ECSIT: variants seen among roughly 807,000 people sequenced by gnomAD.
The protein encoded by ECSIT is ECSIT signaling integrator.
ECSIT carries 29 observed loss-of-function variants against 36.8 expected under a neutral mutation model. The observed-to-expected ratio is 0.79, with a 90% CI of 0.59 to 1.08. The LOEUF is 1.08. ECSIT is among the 50% of genes least tolerant of loss of function. ECSIT has a pLI of 0.00. For synonymous variants in ECSIT, 231 were observed against 234.8 expected (o/e 0.98, Z 0.15); for missense variants, 542 against 581.0 (o/e 0.93, Z 0.69).
In ECSIT at chr19:11,506,156, A is replaced by C. The variant is rs566479074; in HGVS notation, c.*28T>G. On this transcript the variant is annotated 3_prime_UTR_variant, in exon 8 of 8. Transcript: ENST00000270517. The stretch of plus-strand genomic sequence containing the variant: ...CTTCAGTCCACCGCCTCCTCGGGCC[A>C]CAGCCCGTGCCCTCGCGCCGGCTCA... 4 of 1,600,050 alleles carry C rather than the reference A, an allele frequency of 2.5e-6. No homozygotes were observed. In the South Asian group the frequency reaches 4.4e-5, roughly 18 times the overall value.
At chr19:11,521,451 G>A (rs961926176) in intron 1 of ECSIT, among the ~76,000 whole-genome samples, 13 of 143,350 alleles carry the variant, frequency 9.1e-5, no homozygotes, top group Admixed American at 8.0e-4. Context: ...CCATTTATAC[G>A]TGGATTTTTT....
chr19:11,520,196 C>G (rs1423679041), intron 1 of ECSIT, among the ~76,000 whole-genome samples: 1 of 151,772 alleles, frequency 6.6e-6, no homozygotes, highest in Non-Finnish European at 1.5e-5. Flanking sequence ...TTCTGAGATG[C>G]AGTCTCGCTC....
At chr19:11,520,434 A>G (rs898295901) in intron 1 of ECSIT, among the ~76,000 whole-genome samples, 7 of 152,038 alleles carry the variant, frequency 4.6e-5, no homozygotes, top group Non-Finnish European at 1.0e-4. Flanking sequence ...AGCCTCCCCA[A>G]GTGCTGGGAT....
chr19:11,514,175 T>C lies in ECSIT; in HGVS notation c.143A>G (p.His48Arg), dbSNP rs769315001. 8.7e-6 allele frequency: 14 copies of C among 1,610,916 alleles called. No homozygotes were observed. The South Asian group carries it at 1.3e-4, about 15-fold the overall frequency. ...PRGLHCSAAAHSSEQSLVPSP... is the reference protein window; with the variant it reads ...PRGLHCSAAARSSEQSLVPSP... ...GGGAACCAGGGACTGTTCAGAGCTA[T>C]GGGCAGCTGCGCTGCAGTGGAGGCC... Residue 48 changes from histidine to arginine, a missense_variant, in exon 3 of 8, where the codon CAT becomes CGT. By Grantham distance (29) the His-to-Arg change is conservative. Transcript: ENST00000270517.
intron 1 of ECSIT, chr19:11,523,536 G>C: frequency 9.2e-7 from 1 of 1,088,784 alleles, no homozygotes; most frequent in Non-Finnish European, 1.4e-6. Flanking sequence ...CTAGCACGTG[G>C]AATCTGTGAA....
chr19:11,515,287 T>C (rs1161640475), intron 2 of ECSIT, among the ~76,000 whole-genome samples: 1 of 148,118 alleles, frequency 6.8e-6, no homozygotes, highest in African/African-American at 2.5e-5. Context: ...GGATTTTTAG[T>C]AGAGACGGGG....
chr19:11,509,474 T>A (rs1599576874), intron 4 of ECSIT, among the ~76,000 whole-genome samples: 1 of 151,274 alleles, frequency 6.6e-6, no homozygotes, highest in African/African-American at 2.4e-5. Context: ...TTAAAAAAAA[T>A]TGAGATGAGC....
chr19:11,510,643 A>AG (rs1971851926), intron 4 of ECSIT: 1 of 152,120 alleles, frequency 6.6e-6, no homozygotes, highest in Non-Finnish European at 1.5e-5. Context: ...GGGCGGCGTC[A>AG]GGGGCAGCGC....
At chr19:11,509,024 C>A (rs1971815948) in intron 4 of ECSIT, among the ~76,000 whole-genome samples, 1 of 151,478 alleles carries the variant, frequency 6.6e-6, no homozygotes, top group South Asian at 2.1e-4. Context: ...CCTTTTTTAT[C>A]TTTTAAAATT....
chr19:11,506,183 A>G lies in ECSIT; in HGVS notation c.*1T>C, dbSNP rs201057677. The G allele has an allele frequency of 6.2e-6, 10 of 1,604,468 alleles. No homozygotes were observed. In the East Asian group the frequency reaches 2.0e-4, roughly 32 times the overall value. ...AGCCCGTGCCCTCGCGCCGGCTCAG[A>G]CTAGCTCTGGCCCTGCTGCTGTCGC... On this transcript the variant is annotated 3_prime_UTR_variant, in exon 8 of 8. Coordinates refer to ENST00000270517, the MANE Select transcript of ECSIT (RefSeq NM_016581.5).
At chr19:11,507,180 G>C (rs1195825103) in intron 7 of ECSIT, among the ~76,000 whole-genome samples, 1 of 152,124 alleles carries the variant, frequency 6.6e-6, no homozygotes, top group Non-Finnish European at 1.5e-5. Context: ...GGGTGTAAGT[G>C]GACTGCGTCT....
chr19:11,526,240 G>C (rs138660305), intron 1 of ECSIT, among the ~76,000 whole-genome samples: 1 of 152,148 alleles, frequency 6.6e-6, no homozygotes, highest in African/African-American at 2.4e-5. Context: ...TGGGATTACA[G>C]GCATGAGCCA....
chr19:11,519,329 C>A lies in ECSIT; in HGVS notation c.-23-136G>T. The A allele has an allele frequency of 1.4e-6, 1 of 693,336 alleles. No homozygotes were observed. The highest frequency in any genetic ancestry group is 2.6e-6 in the Non-Finnish European group (1 of 386,374). The allele number at this position is 693,336 out of a possible 1,614,324, so 42.9% of individuals were successfully genotyped here. A position where few individuals can be genotyped will look rare whatever the true frequency, so the allele number is the denominator to read the frequency against. On this transcript the variant is annotated intron_variant, in intron 1 of 7. Transcript: ENST00000270517. This position sits in a 1 kb window ranked among gnomAD's most constrained non-coding sequence, Gnocchi z 4.4. ...CCCAATGTTTACCTTACCCAAGAAA[C>A]AGGCTGATGACTCAAAGACTTTGTT...
In ECSIT at chr19:11,524,172, G is replaced by A. The variant is rs372079853; in HGVS notation, c.-24+4890C>T. Among the ~76,000 whole-genome samples the A allele has an allele frequency of 2.6e-3, 389 of 151,850 alleles. 5 individuals carry two copies. The South Asian group carries it at 0.035, about 14-fold the overall frequency. ...TGGGCTCAAGCAATCCTCCCACCTC[G>A]GCCTCCCAAAGTGCTGGAATTACAG... On this transcript the variant is annotated intron_variant, in intron 1 of 7. Transcript: ENST00000270517.
At chr19:11,511,436 T>G (rs1435064722) in intron 4 of ECSIT, among the ~76,000 whole-genome samples, 1 of 151,924 alleles carries the variant, frequency 6.6e-6, no homozygotes, top group Admixed American at 6.6e-5. Context: ...GCATCCTGAT[T>G]AGGAACAGTG....
Position 11,507,503 on chromosome 19 carries a change from C to T in ECSIT, c.1005G>A (p.Glu335=). 3.1e-6 allele frequency: 5 copies of T among 1,614,086 alleles called. No homozygotes were observed. The highest frequency in any genetic ancestry group is 4.2e-6 in the Non-Finnish European group (5 of 1,180,008). ...AGTTGTCCCAGCCACTCCTCACATA[C>T]TCCAGGTCCAGCTGCATCGGGTAGT... ...NLYYPMQLDL[E]YVRSGWDNYE... The change falls in exon 7 of 8, where the codon GAG becomes GAA. Residue 335 remains glutamate (E), a synonymous_variant. Coordinates refer to ENST00000270517, the MANE Select transcript of ECSIT (RefSeq NM_016581.5).
chr19:11,507,693 A>G lies in ECSIT; in HGVS notation c.945+9T>C. 6.2e-7 allele frequency: 1 copy of G among 1,613,906 alleles called. No individual in the cohort carries two copies. The highest frequency in any genetic ancestry group is 8.5e-7 in the Non-Finnish European group (1 of 1,179,956). On this transcript the variant is annotated intron_variant, in intron 6 of 7. Coordinates refer to ENST00000270517, the MANE Select transcript of ECSIT (RefSeq NM_016581.5). ...CAGCCCCAACACATGCTTTGCTTTA[A>G]GCCCTCACCCTCTCCTCCGGGGGCA...
At chr19:11,507,625 C>T in intron 6 of ECSIT, 63 bp from the exon 7 acceptor site, 3 of 1,613,438 alleles carry the variant, frequency 1.9e-6, no homozygotes, top group Non-Finnish European at 1.7e-6. Flanking sequence ...CTCCCTCCTC[C>T]AGCCTCTCCC....
rs1197378951 is a variant in ECSIT at position 11,519,310 on chromosome 19, G to T, written c.-23-117C>A. ...ATGTGGCTCACTCACCAGCCCCAAT[G>T]TTTACCTTACCCAAGAAACAGGCTG... On this transcript the variant is annotated intron_variant, in intron 1 of 7. Coordinates refer to ENST00000270517, the MANE Select transcript of ECSIT (RefSeq NM_016581.5). This position sits in a 1 kb window ranked among gnomAD's most constrained non-coding sequence, Gnocchi z 4.4. 2 of 726,268 alleles carry T rather than the reference G, an allele frequency of 2.8e-6. No homozygotes were observed. The highest frequency in any genetic ancestry group is 3.5e-5 in the African/African-American group (2 of 57,494). The allele number at this position is 726,268 out of a possible 1,614,324, so 45.0% of individuals were successfully genotyped here. A position where few individuals can be genotyped will look rare whatever the true frequency, so the allele number is the denominator to read the frequency against.
Sources: gnomAD v4.1 joint callset for allele counts (sites outside exome capture counted in the v4.1 genomes callset) on GRCh38, gnomAD v4.1.1 for gene constraint, Gnocchi (gnomAD v3.1) non-coding constraint, MANE v1.5 for transcripts, NCBI Gene and HGNC (gene_info 2026-07-23, HGNC 2026-07-21) for gene names.